The following DUSP26 variants were observed in gnomAD, a reference collection of about 807,000 sequenced individuals.
The protein encoded by DUSP26 is dual specificity protein phosphatase 26.
DUSP26 carries 12 observed loss-of-function variants against 20.0 expected under a neutral mutation model. The observed-to-expected ratio is 0.60, with a 90% CI of 0.38 to 0.97. The LOEUF is 0.97. DUSP26 is among the 50% of genes least tolerant of loss of function. The pLI, the probability that DUSP26 is intolerant of heterozygous loss-of-function variation, is 0.00. For missense variants in DUSP26, 230 were observed against 294.0 expected, an observed-to-expected ratio of 0.78 and a Z score of 1.59; for synonymous variants, 120 against 118.8, an observed-to-expected ratio of 1.01 and a Z score of -0.06.
rs771017502 is a variant in DUSP26, at chr8:33,593,760, G to A, written c.222-13C>T. The A allele has an allele frequency of 3.1e-6, 5 of 1,609,070 alleles. No homozygotes were observed. The South Asian group carries it at 5.5e-5, about 18-fold the overall frequency. On this transcript the variant is annotated splice_polypyrimidine_tract_variant and intron_variant, in intron 2 of 3. Coordinates refer to ENST00000256261, the MANE Select transcript of DUSP26 (RefSeq NM_024025.3). ...GTTAGCCATGTCCCTGCATTGAGTAGAGGTTAGAGGAAGGGTGGGAAAGCC... is the reference window on the plus strand; with the variant it reads ...GTTAGCCATGTCCCTGCATTGAGTAAAGGTTAGAGGAAGGGTGGGAAAGCC...
rs1328808762 is a variant in DUSP26, at chr8:33,599,782, G to A, written c.-194C>T. On this transcript the variant is annotated 5_prime_UTR_variant, in exon 1 of 4. Coordinates refer to ENST00000256261, the MANE Select transcript of DUSP26 (RefSeq NM_024025.3). ...CCGCTGTTTCTGCCCAAGACAGGTT[G>A]ACAGATTAGCAGCTATTTTTAAGCC... The A allele has an allele frequency of 6.6e-6, 1 of 152,312 alleles. No homozygotes were observed. The highest frequency in any genetic ancestry group is 2.4e-5 in the African/African-American group (1 of 41,478). 9.4% of individuals were successfully genotyped at this position (152,312 alleles called of 1,614,324 possible).
intron 1 of DUSP26, among the ~76,000 whole-genome samples, chr8:33,598,830 C>T (rs1251535848): frequency 6.6e-6 from 1 of 152,062 alleles, no homozygotes; most frequent in Non-Finnish European, 1.5e-5. Context: ...CTGCAGAATC[C>T]CCTTCCACTC....
chr8:33,597,155 C>G, intron 2 of DUSP26, 140 bp downstream of exon 2: 1 of 818,328 alleles, frequency 1.2e-6, no homozygotes, highest in Non-Finnish European at 1.9e-6. Flanking sequence ...AGCCTCTACT[C>G]TTGGCCCATG....
In DUSP26 at chr8:33,599,992, C is replaced by CA. The variant is rs886537930; in HGVS notation, c.-405dup. The CA allele has an allele frequency of 6.6e-6, 1 of 152,292 alleles. No individual in the cohort carries two copies. Among genetic ancestry groups the CA allele is most frequent in the African/African-American group, 2.4e-5 (1 of 41,466 alleles). The allele number at this position is 152,292 out of a possible 1,614,324, so 9.4% of individuals were successfully genotyped here. On this transcript the variant is annotated 5_prime_UTR_variant, in exon 1 of 4. It removes an upstream start codon present in the reference 5' UTR. Transcript: ENST00000256261. Reference sequence around the variant, plus strand: ...AGCCCCAGCAGCACCGCCTGGAATGCATGCGTGTGTTCTCAGAGCTGCACC... The same window carrying CA: ...AGCCCCAGCAGCACCGCCTGGAATGCAATGCGTGTGTTCTCAGAGCTGCACC...
rs537581111 is a variant in DUSP26 at position 33,597,993 on chromosome 8, G to A, written c.-76-402C>T. ...ATCTGCCTGGGGCTATCGGCAGAGA[G>A]CCTAGGGAGCTGGGATGGGGTTGGG... On this transcript the variant is annotated intron_variant, in intron 1 of 3. Coordinates refer to ENST00000256261, the MANE Select transcript of DUSP26 (RefSeq NM_024025.3). Among the ~76,000 whole-genome samples, 34 of 152,158 alleles carry A rather than the reference G, an allele frequency of 2.2e-4. No individual in the cohort carries two copies. In the South Asian group the frequency reaches 6.4e-3, roughly 29 times the overall value.
intron 1 of DUSP26, among the ~76,000 whole-genome samples, chr8:33,599,235 C>A (rs1811216711): frequency 6.6e-6 from 1 of 152,176 alleles, no homozygotes; most frequent in Admixed American, 6.6e-5. Context: ...GCAATACAAC[C>A]TTTCCTCTTA....
chr8:33,596,580 C>CA (rs111494053), intron 2 of DUSP26, among the ~76,000 whole-genome samples: 5,796 of 149,208 alleles, frequency 0.039, 280 homozygotes, highest in African/African-American at 0.11. Flanking sequence ...ATACTGTCTC[C>CA]AAAAAAAAAT....
At chr8:33,592,518 A>T (rs1198552873) in intron 3 of DUSP26, among the ~76,000 whole-genome samples, 1 of 146,582 alleles carries the variant, frequency 6.8e-6, no homozygotes, top group East Asian at 2.1e-4. Context: ...CACCCAGGCA[A>T]CAAAAGTGAA....
chr8:33,596,215 C>A (rs929189241), intron 2 of DUSP26, among the ~76,000 whole-genome samples: 1 of 151,064 alleles, frequency 6.6e-6, no homozygotes, highest in Non-Finnish European at 1.5e-5. Context: ...ACCCGGGAGG[C>A]GGAGTTTGCT....
In DUSP26 at chr8:33,599,664, C is replaced by T. The variant is rs1811227259; in HGVS notation, c.-77+1G>A. ...GCGAAGGCCCGCCGCAGCCCCTCTA[C>T]CTCTTTGCAAGCGCTGCGCTGGGCC... On this transcript the variant is annotated splice_donor_variant, in intron 1 of 3. Transcript: ENST00000256261. LOFTEE classifies it low-confidence loss of function (5UTR_SPLICE). 6.6e-6 allele frequency: 1 copy of T among 152,268 alleles called. No homozygotes were observed. The highest frequency in any genetic ancestry group is 2.1e-4 in the South Asian group (1 of 4,834). The allele number at this position is 152,268 out of a possible 1,614,324, so 9.4% of individuals were successfully genotyped here.
rs750719248 is a variant in DUSP26, at chr8:33,592,196, A to G, written c.453T>C (p.His151=). The change falls in exon 4 of 4, where the codon CAT becomes CAC. Residue 151 remains histidine, a synonymous_variant. Coordinates refer to ENST00000256261, the MANE Select transcript of DUSP26 (RefSeq NM_024025.3). ...CGGATCGGCTCACGCCCACAGCACA[A>G]TGCACCAGGATCTTCCCTGAGAGGA... ...LSQPGGKILV[H]CAVGVSRSAT... The G allele has an allele frequency of 1.1e-5, 18 of 1,609,982 alleles. No homozygotes were observed. The highest frequency in any genetic ancestry group is 1.5e-5 in the Non-Finnish European group (18 of 1,178,270).
In DUSP26 at chr8:33,591,722, G is replaced by A; in HGVS notation, c.*291C>T. 2 of 413,304 alleles carry A rather than the reference G, an allele frequency of 4.8e-6. No homozygotes were observed. The highest frequency in any genetic ancestry group is 1.0e-4 in the East Asian group (2 of 19,366). 25.6% of individuals were successfully genotyped at this position (413,304 alleles called of 1,614,324 possible). A position where few individuals can be genotyped will look rare whatever the true frequency, so the allele number is the denominator to read the frequency against. On this transcript the variant is annotated 3_prime_UTR_variant, in exon 4 of 4. Coordinates refer to ENST00000256261, the MANE Select transcript of DUSP26 (RefSeq NM_024025.3). ...GGGAAGGGACTGTGAATCCCAGGGA[G>A]CACCCTGGCCAGATCCCAGCGGTGT...
At chr8:33,597,246 C>A in intron 2 of DUSP26, 49 bp downstream of exon 2, 1 of 1,524,548 alleles carries the variant, frequency 6.6e-7, no homozygotes, top group Non-Finnish European at 8.9e-7. Flanking sequence ...TTCTTACACA[C>A]ACAAACACAC....
In DUSP26 at chr8:33,593,601, G is replaced by C. The variant is rs150240540; in HGVS notation, c.368C>G (p.Ala123Gly). 9 of 1,614,072 alleles carry C rather than the reference G, an allele frequency of 5.6e-6. No individual in the cohort carries two copies. In the African/African-American group the frequency reaches 6.7e-5, roughly 12 times the overall value. ...CTGGAAGTGGATGCTCATGTCAAAG[G>C]CTGGCGAGTCGTGGGCCTCAACACC... ...YLGVEAHDSPAFDMSIHFQTA... is the reference protein window; with the variant it reads ...YLGVEAHDSPGFDMSIHFQTA... Residue 123 changes from alanine to glycine, a missense_variant, in exon 3 of 4, where the codon GCC (alanine) becomes GGC (glycine). Coordinates refer to ENST00000256261, the MANE Select transcript of DUSP26 (RefSeq NM_024025.3).
intron 2 of DUSP26, among the ~76,000 whole-genome samples, chr8:33,595,305 TTG>T (rs1811115933): frequency 6.6e-6 from 1 of 152,184 alleles, no homozygotes; most frequent in Admixed American, 6.5e-5. Flanking sequence ...CAGAACCGTC[TTG>T]TGTTTTTGCC....
Position 33,591,531 on chromosome 8 carries a change from CTT to C in DUSP26, c.*480_*481del, listed in dbSNP as rs1811017908. On this transcript the variant is annotated 3_prime_UTR_variant, in exon 4 of 4. Coordinates refer to ENST00000256261, the MANE Select transcript of DUSP26 (RefSeq NM_024025.3). The stretch of plus-strand genomic sequence containing the variant: ...GGGGTTCTCTGTCTGGTTCTGCAAG[CTT>C]TTCACACCATCTCTTCGCTGTCTGT... 1 of 156,686 alleles carries C rather than the reference CTT, an allele frequency of 6.4e-6. No homozygotes were observed. The highest frequency in any genetic ancestry group is 2.4e-5 in the African/African-American group (1 of 41,488). 9.7% of individuals were successfully genotyped at this position (156,686 alleles called of 1,614,324 possible).
chr8:33,594,551 C>A (rs1243897286), intron 2 of DUSP26, among the ~76,000 whole-genome samples: 2 of 151,340 alleles, frequency 1.3e-5, no homozygotes, highest in African/African-American at 4.9e-5. Context: ...GAGATCGCAC[C>A]ACTGCACTCC....
At chr8:33,593,855 G>T in intron 2 of DUSP26, 108 bp from the exon 3 acceptor site, 2 of 1,268,490 alleles carry the variant, frequency 1.6e-6, no homozygotes, top group South Asian at 1.4e-5. Flanking sequence ...ATTTTTTTTT[G>T]AGATGGAGTC....
chr8:33,594,208 T>C (rs1585377746), intron 2 of DUSP26, among the ~76,000 whole-genome samples: 1 of 152,276 alleles, frequency 6.6e-6, no homozygotes, highest in East Asian at 1.9e-4. Context: ...ACTTGGAGTC[T>C]TGTCCTGTGA....
Sources: gnomAD v4.1 joint callset for allele counts (sites outside exome capture counted in the v4.1 genomes callset) on GRCh38, gnomAD v4.1.1 for gene constraint, MANE v1.5 for transcripts, NCBI Gene and HGNC (gene_info 2026-07-23, HGNC 2026-07-21) for gene names.